The following PRDM16 variants were observed in gnomAD, a reference collection of about 807,000 sequenced individuals.
PRDM16 encodes PR/SET domain 16.
PRDM16 carries 23 observed loss-of-function variants against 110.6 expected under a neutral mutation model. That is an observed-to-expected ratio of 0.21 (90% confidence interval 0.15 to 0.29). The LOEUF is 0.29. Ranked by LOEUF, PRDM16 falls within the 10% of genes least tolerant of loss-of-function variation. PRDM16 has a pLI of 1.00. For missense variants in PRDM16, 1,615 were observed against 1,794.3 expected (o/e 0.90, Z 1.81); for synonymous variants, 799 against 781.8 (o/e 1.02, Z -0.37).
intron 3 of PRDM16, among the ~76,000 whole-genome samples, chr1:3,329,361 A>T (rs1641994244): frequency 6.9e-6 from 1 of 145,122 alleles, no homozygotes. Context: ...CCTCCAACCC[A>T]CCACCCCCCA....
rs1192845795 is a variant in PRDM16, at chr1:3,200,376, T to C, written c.387+13902T>C. 3.3e-5 allele frequency among the ~76,000 whole-genome samples: 5 copies of C among 152,184 alleles called. No homozygotes were observed. The East Asian group carries it at 5.8e-4, about 18-fold the overall frequency. On this transcript the variant is annotated intron_variant, in intron 2 of 16. Coordinates refer to ENST00000270722, the MANE Select transcript of PRDM16 (RefSeq NM_022114.4). ...TTTATTTTTTGAGATGGAGTCTTGC[T>C]CTGCTGCCCAGGCTGGAGTGCAATG...
At chr1:3,198,663 C>T (rs1477729602) in intron 2 of PRDM16, among the ~76,000 whole-genome samples, 6 of 152,214 alleles carry the variant, frequency 3.9e-5, no homozygotes, top group Non-Finnish European at 8.8e-5. Context: ...CAGGAGCTCT[C>T]GTGCATCCAC....
intron 2 of PRDM16, among the ~76,000 whole-genome samples, chr1:3,218,367 G>A (rs919465730): frequency 1.3e-5 from 2 of 152,374 alleles, no homozygotes; most frequent in East Asian, 1.9e-4. Flanking sequence ...GCAGTAACCC[G>A]TTAGGTGCTG....
In PRDM16 at chr1:3,396,505, C is replaced by A; in HGVS notation, c.588C>A (p.Val196=). Residue 196 remains valine (V), a synonymous_variant, in exon 5 of 17, where the codon GTC becomes GTA. Transcript: ENST00000270722. ...CTCCATCCTAGATTTACTATAAAGT[C>A]ATTAAGGACATTGAGCCAGGTGAGG... ...CQISEQIYYK[V]IKDIEPGEEL... The A allele has an allele frequency of 1.9e-6, 3 of 1,591,878 alleles. No homozygotes were observed. Among genetic ancestry groups the A allele is most frequent in the African/African-American group, 1.3e-5 (1 of 74,692 alleles).
intron 3 of PRDM16, among the ~76,000 whole-genome samples, chr1:3,299,627 T>C (rs1641167241): frequency 7.7e-6 from 1 of 129,336 alleles, no homozygotes; most frequent in Admixed American, 7.4e-5. Flanking sequence ...ATCCCAGTCA[T>C]GGTGACTCTG....
chr1:3,228,178 G>A (rs565533827), intron 2 of PRDM16, among the ~76,000 whole-genome samples: 2 of 152,328 alleles, frequency 1.3e-5, no homozygotes, highest in South Asian at 2.1e-4. Context: ...GTCCTTCCCG[G>A]GACTGAAGCC....
In PRDM16 at chr1:3,390,536, C is replaced by T. The variant is rs1245388542; in HGVS notation, c.573+5250C>T. ...CCCGCCGTGGAGCAGCACAGCCCCT[C>T]CACAGAGTGTTCCGCGCAGGCATTG... On this transcript the variant is annotated intron_variant, in intron 4 of 16. Coordinates refer to ENST00000270722, the MANE Select transcript of PRDM16 (RefSeq NM_022114.4). This position sits in a 1 kb window ranked among gnomAD's most constrained non-coding sequence, Gnocchi z 5.0. Among the ~76,000 whole-genome samples the T allele has an allele frequency of 6.6e-6, 1 of 152,212 alleles. No homozygotes were observed. Among genetic ancestry groups the T allele is most frequent in the Non-Finnish European group, 1.5e-5 (1 of 68,038 alleles).
chr1:3,270,450 AAGGAGGACAGTCGGCG>A (rs1409501914), intron 3 of PRDM16, among the ~76,000 whole-genome samples: 50 of 132,912 alleles, frequency 3.8e-4, no homozygotes, highest in Admixed American at 3.4e-3. Flanking sequence ...CACAGTCCAG[AAGGAGGACAGTCGGCG>A]AGGAGGACAG....
chr1:3,250,417 G>A (rs1569926342), intron 3 of PRDM16, among the ~76,000 whole-genome samples: 1 of 152,114 alleles, frequency 6.6e-6, no homozygotes, highest in East Asian at 1.9e-4. Flanking sequence ...GAGTTATGGG[G>A]CAGCTCCAGG....
intron 3 of PRDM16, among the ~76,000 whole-genome samples, chr1:3,289,366 G>GA (rs1191571287): frequency 1.3e-5 from 2 of 152,234 alleles, no homozygotes; most frequent in Non-Finnish European, 2.9e-5. Context: ...GCCGGAGTCT[G>GA]AACGCAGCCC....
intron 3 of PRDM16, among the ~76,000 whole-genome samples, chr1:3,344,185 A>G (rs1642321159): frequency 6.6e-6 from 1 of 152,084 alleles, no homozygotes; most frequent in African/African-American, 2.4e-5. Flanking sequence ...AAAACATTAA[A>G]CAATTAGTCG....
chr1:3,392,322 C>G (rs1394898483), intron 4 of PRDM16, among the ~76,000 whole-genome samples: 1 of 152,186 alleles, frequency 6.6e-6, no homozygotes, highest in Non-Finnish European at 1.5e-5. Context: ...GGAGGGTTCA[C>G]CTACTTGATT....
chr1:3,101,708 A>G (rs1053454192), intron 1 of PRDM16, among the ~76,000 whole-genome samples: 1 of 152,234 alleles, frequency 6.6e-6, no homozygotes, highest in Non-Finnish European at 1.5e-5. Flanking sequence ...TCAGAGGACC[A>G]GCCAGGGGTG....
In PRDM16 at chr1:3,363,168, G is replaced by A. The variant is rs369380977; in HGVS notation, c.439-21984G>A. ...CTCAAAGTCCTCCAGCCCGGGGGTC[G>A]GGTGGTAAAAGGCTGCTGTCCGCTC... On this transcript the variant is annotated intron_variant, in intron 3 of 16. Coordinates refer to ENST00000270722, the MANE Select transcript of PRDM16 (RefSeq NM_022114.4). Among the ~76,000 whole-genome samples the A allele has an allele frequency of 3.3e-5, 5 of 152,116 alleles. No homozygotes were observed. In the South Asian group the frequency reaches 6.2e-4, roughly 19 times the overall value.
intron 2 of PRDM16, among the ~76,000 whole-genome samples, chr1:3,188,394 G>A (rs960711313): frequency 2.0e-5 from 3 of 152,264 alleles, no homozygotes; most frequent in East Asian, 1.9e-4. Flanking sequence ...GAAATGGCCC[G>A]TATCACCATG....
intron 9 of PRDM16, among the ~76,000 whole-genome samples, 180 bp downstream of exon 9, chr1:3,412,980 G>C (rs980165485): frequency 6.6e-6 from 1 of 152,314 alleles, no homozygotes; most frequent in African/African-American, 2.4e-5. Context: ...GGGATGCCTG[G>C]CTTGGCTGCT....
At chr1:3,326,775 C>A (rs1381201474) in intron 3 of PRDM16, among the ~76,000 whole-genome samples, 1 of 152,226 alleles carries the variant, frequency 6.6e-6, no homozygotes, top group Admixed American at 6.5e-5. Context: ...GCTCCCAAGC[C>A]CCCCACCAGC....
At chr1:3,174,195 G>C (rs925756696) in intron 1 of PRDM16, among the ~76,000 whole-genome samples, 1 of 152,146 alleles carries the variant, frequency 6.6e-6, no homozygotes, top group Non-Finnish European at 1.5e-5. Context: ...GCAAATCCCT[G>C]CCTCTGTCAT....
At chr1:3,152,846 C>G (rs1643801237) in intron 1 of PRDM16, among the ~76,000 whole-genome samples, 1 of 152,188 alleles carries the variant, frequency 6.6e-6, no homozygotes, top group Non-Finnish European at 1.5e-5. Context: ...GGGGTTTTGT[C>G]CAGAGGCTTG....
Sources: gnomAD v4.1 joint callset for allele counts (sites outside exome capture counted in the v4.1 genomes callset) on GRCh38, gnomAD v4.1.1 for gene constraint, Gnocchi (gnomAD v3.1) non-coding constraint, MANE v1.5 for transcripts, NCBI Gene and HGNC (gene_info 2026-07-23, HGNC 2026-07-21) for gene names.